AKR1C3: variants seen among roughly 807,000 people sequenced by gnomAD.
AKR1C3 encodes the protein 3-alpha hydroxysteroid dehydrogenase, type II.
AKR1C3 carries 48 observed loss-of-function variants against 43.6 expected under a neutral mutation model. That is an observed-to-expected ratio of 1.10 (90% confidence interval 0.87 to 1.40). The LOEUF (loss-of-function observed/expected upper bound fraction) is 1.40. Ranked by LOEUF, AKR1C3 falls within the 40% of genes most tolerant of loss-of-function variation. AKR1C3 has a pLI of 0.00. For missense variants in AKR1C3, 482 were observed against 391.2 expected (o/e 1.23, Z -1.96); for synonymous variants, 162 against 139.6 (o/e 1.16, Z -1.13).
intron 1 of AKR1C3, among the ~76,000 whole-genome samples, chr10:5,060,735 G>C (rs114779173): frequency 0.035 from 5,388 of 152,180 alleles, 121 homozygotes; most frequent in Middle Eastern, 0.061. Flanking sequence ...CTGTGGAGCA[G>C]GGGGTGGCAC....
At chr10:5,050,712 G>A (rs891570755) in intron 1 of AKR1C3, among the ~76,000 whole-genome samples, 1 of 152,230 alleles carries the variant, frequency 6.6e-6, no homozygotes, top group African/African-American at 2.4e-5. Context: ...TTAAGGATAA[G>A]TAGGCATTTG....
intron 1 of AKR1C3, among the ~76,000 whole-genome samples, chr10:5,066,692 T>C (rs1838510603): frequency 6.6e-6 from 1 of 151,916 alleles, no homozygotes. Flanking sequence ...AGATAAAGAG[T>C]CTACTCACTT....
intron 1 of AKR1C3, among the ~76,000 whole-genome samples, chr10:5,066,444 C>T (rs146582561): frequency 1.0e-3 from 154 of 152,214 alleles, no homozygotes; most frequent in African/African-American, 3.2e-3. Flanking sequence ...TGACAGGTTA[C>T]GGTGTCCTCA....
intron 5 of AKR1C3, chr10:5,099,725 A>T (rs1215764590): frequency 2.2e-6 from 1 of 455,418 alleles, no homozygotes; most frequent in Non-Finnish European, 3.8e-6. Flanking sequence ...ATTAGAACTC[A>T]AGGAAAGGTG....
chr10:5,067,532 T>C (rs1838533179), intron 1 of AKR1C3, among the ~76,000 whole-genome samples: 1 of 152,156 alleles, frequency 6.6e-6, no homozygotes, highest in Non-Finnish European at 1.5e-5. Context: ...GAAAGCTTTT[T>C]TTACCTGGTG....
intron 1 of AKR1C3, among the ~76,000 whole-genome samples, chr10:5,051,082 TG>T (rs1277439070): frequency 6.7e-6 from 1 of 149,396 alleles, no homozygotes; most frequent in African/African-American, 2.6e-5. Flanking sequence ...TTTGACTGTG[TG>T]TGTGTTTTGT....
At chr10:5,057,345 C>T (rs999392282) in intron 1 of AKR1C3, among the ~76,000 whole-genome samples, 14 of 152,124 alleles carry the variant, frequency 9.2e-5, no homozygotes, top group African/African-American at 3.1e-4. Flanking sequence ...TCATGCTTTT[C>T]CTTTTGGGTC....
chr10:5,105,521 A>C, intron 7 of AKR1C3, 74 bp from the exon 8 acceptor site: 1 of 1,120,072 alleles, frequency 8.9e-7, no homozygotes. Flanking sequence ...TTGTCTCTGC[A>C]CCCTACTGTC....
At chr10:5,098,916 C>T in intron 4 of AKR1C3, 37 bp downstream of exon 4, 1 of 1,514,588 alleles carries the variant, frequency 6.6e-7, no homozygotes. Context: ...AGAAGGATGA[C>T]AAAAAGAGAA....
intron 1 of AKR1C3, among the ~76,000 whole-genome samples, chr10:5,085,447 GC>G (rs1257148274): frequency 1.3e-5 from 2 of 151,122 alleles, no homozygotes; most frequent in East Asian, 3.8e-4. Context: ...TGGTGGATAA[GC>G]TTTTTGATGT....
upstream of AKR1C3, among the ~76,000 whole-genome samples, chr10:5,090,116 T>C (rs986402508): frequency 1.3e-5 from 2 of 152,124 alleles, no homozygotes; most frequent in Non-Finnish European, 2.9e-5. Flanking sequence ...GATCTTTGTT[T>C]ACTGTGTGAG....
chr10:5,067,306 T>C (rs1588337117), intron 1 of AKR1C3, among the ~76,000 whole-genome samples: 1 of 152,308 alleles, frequency 6.6e-6, no homozygotes, highest in East Asian at 1.9e-4. Context: ...ATCTGTTAAC[T>C]TGGGAAAAGA....
intron 1 of AKR1C3, among the ~76,000 whole-genome samples, chr10:5,067,478 C>T (rs1554780899): frequency 6.6e-6 from 1 of 152,122 alleles, no homozygotes; most frequent in Admixed American, 6.5e-5. Flanking sequence ...TGTTGTAGTG[C>T]AGATGGCAAG....
At position 5,099,416 on chromosome 10, in the gene AKR1C3, G is replaced by T. The variant is rs782790906; in HGVS notation, c.537G>T (p.Lys179Asn). The T allele has an allele frequency of 1.2e-6, 2 of 1,614,150 alleles. No individual in the cohort carries two copies. The highest frequency in any genetic ancestry group is 1.1e-5 in the South Asian group (1 of 91,080). ...GGCAGCTGGAGATGATCCTCAACAA[G>T]CCAGGACTCAAGTACAAGCCTGTCT... ...NRRQLEMILN[K>N]PGLKYKPVCN... is the part of the protein sequence containing the mutation. Residue 179 changes from lysine to asparagine, a missense_variant, in exon 5 of 9, where the codon AAG (lysine) becomes AAT (asparagine). Physicochemically the swap from Lys to Asn is moderately conservative, Grantham distance 94 (BLOSUM62 0). Coordinates refer to ENST00000380554, the MANE Select transcript of AKR1C3 (RefSeq NM_003739.6).
chr10:5,069,667 G>A (rs1003982926), intron 1 of AKR1C3, among the ~76,000 whole-genome samples: 6 of 152,092 alleles, frequency 3.9e-5, no homozygotes, highest in Non-Finnish European at 8.8e-5. Flanking sequence ...TTGAGGTCAG[G>A]TGTTCAAGAT....
At chr10:5,070,754 G>A (rs781894679) in intron 1 of AKR1C3, among the ~76,000 whole-genome samples, 1 of 152,180 alleles carries the variant, frequency 6.6e-6, no homozygotes, top group Non-Finnish European at 1.5e-5. Flanking sequence ...AAAGAGGACA[G>A]CTATCTATGA....
intron 5 of AKR1C3, among the ~76,000 whole-genome samples, chr10:5,101,266 A>C (rs1554785924): frequency 1.3e-5 from 2 of 152,226 alleles, no homozygotes; most frequent in African/African-American, 4.8e-5. Context: ...TTCCATGACA[A>C]ATTTTCACAT....
intron 5 of AKR1C3, among the ~76,000 whole-genome samples, chr10:5,101,003 G>A (rs1396600098): frequency 6.6e-6 from 1 of 152,158 alleles, no homozygotes; most frequent in East Asian, 1.9e-4. Flanking sequence ...GTATGTCACA[G>A]AAATGAAGAC....
upstream of AKR1C3, chr10:5,094,274 G>A: frequency 6.1e-6 from 3 of 489,272 alleles, no homozygotes; most frequent in South Asian, 4.1e-5. Context: ...TGAACTGAAT[G>A]CAATTTTCTC....
Sources: gnomAD v4.1 joint callset for allele counts (sites outside exome capture counted in the v4.1 genomes callset) on GRCh38, gnomAD v4.1.1 for gene constraint, MANE v1.5 for transcripts, NCBI Gene and HGNC (gene_info 2026-07-23, HGNC 2026-07-21) for gene names.